Variants in PRRG1 observed in about 807,000 individuals in gnomAD.
PRRG1 encodes the protein transmembrane gamma-carboxyglutamic acid protein 1.
A neutral mutation model predicts 11.8 loss-of-function variants in PRRG1; 5 were observed. That is an observed-to-expected ratio of 0.42 (90% CI 0.22 to 0.89). PRRG1 has a LOEUF of 0.89. Among genes scored for constraint, PRRG1 ranks in the 40% least tolerant of loss-of-function variants. The probability of loss-of-function intolerance (pLI) is 0.28; values close to 1 mark genes in which losing one functional copy is unlikely to be tolerated. For synonymous variants in PRRG1, 66 were observed against 60.4 expected (o/e 1.09, Z -0.43); for missense variants, 155 against 166.1 (o/e 0.93, Z 0.37).
At chrX:37,413,911 C>T (rs1556384521) in intron 2 of PRRG1, among the ~76,000 whole-genome samples, 2 of 111,905 alleles carry the variant, frequency 1.8e-5, no homozygotes, top group African/African-American at 6.5e-5. Context: ...CAGTAAGTTG[C>T]TTATAGTATT....
At position 37,349,402 on chromosome X, in the gene PRRG1, G is replaced by C. The variant is rs1929977522; in HGVS notation, c.-42+7G>C. On this transcript the variant is annotated splice_region_variant and intron_variant, in intron 1 of 3. Coordinates refer to ENST00000378628, the MANE Select transcript of PRRG1 (RefSeq NM_001142395.2). ...TAGCGGAGCGGGACCCGCTGTGAGT[G>C]TGGCGGCCGCGCTGGGTTCCTAGCT... is the stretch of plus-strand genomic sequence containing the variant. 1 of 112,847 alleles carries C rather than the reference G, an allele frequency of 8.9e-6. No individual in the cohort carries two copies. Among genetic ancestry groups the C allele is most frequent in the African/African-American group, 3.2e-5 (1 of 31,032 alleles). The allele number at this position is 112,847 out of a possible 1,213,427, so 9.3% of individuals were successfully genotyped here.
At chrX:37,445,347 G>C (rs1389635139) in intron 3 of PRRG1, among the ~76,000 whole-genome samples, 1 of 112,006 alleles carries the variant, frequency 8.9e-6, no homozygotes, top group African/African-American at 3.2e-5. Flanking sequence ...TAAACTGAGA[G>C]CTCATTAGCA....
intron 1 of PRRG1, among the ~76,000 whole-genome samples, chrX:37,401,389 G>T (rs1422935033): frequency 1.8e-5 from 2 of 111,232 alleles, no homozygotes; most frequent in Non-Finnish European, 3.8e-5. Flanking sequence ...AAAACCACAT[G>T]ATTATCTCAA....
intron 1 of PRRG1, among the ~76,000 whole-genome samples, chrX:37,371,608 C>A (rs991212902): frequency 8.9e-6 from 1 of 112,692 alleles, no homozygotes; most frequent in Non-Finnish European, 1.9e-5. Context: ...CTGTTTGAGG[C>A]GTTGCGGTTC....
intron 3 of PRRG1, among the ~76,000 whole-genome samples, chrX:37,444,246 A>AT (rs1933034408): frequency 9.0e-6 from 1 of 111,073 alleles, no homozygotes. Flanking sequence ...GATCATATAT[A>AT]TTTTTTCTCT....
At chrX:37,449,357 G>C (rs1921031270) in intron 3 of PRRG1, among the ~76,000 whole-genome samples, 1 of 112,103 alleles carries the variant, frequency 8.9e-6, no homozygotes, top group African/African-American at 3.2e-5. Context: ...TGATTGATCA[G>C]ATTGCAAAAC....
chrX:37,390,758 A>G (rs782651666), intron 1 of PRRG1, among the ~76,000 whole-genome samples: 3 of 112,342 alleles, frequency 2.7e-5, no homozygotes, highest in Non-Finnish European at 3.8e-5. Flanking sequence ...CTACAAGGAA[A>G]CATTGAATGG....
At chrX:37,389,416 G>A (rs1433644810) in intron 1 of PRRG1, among the ~76,000 whole-genome samples, 2 of 111,375 alleles carry the variant, frequency 1.8e-5, no homozygotes, top group African/African-American at 6.5e-5. Context: ...AAGAAACAAG[G>A]TTTAATTGGG....
At chrX:37,434,545 A>G (rs1932864833) in intron 3 of PRRG1, among the ~76,000 whole-genome samples, 1 of 111,855 alleles carries the variant, frequency 8.9e-6, no homozygotes, top group Non-Finnish European at 1.9e-5. Flanking sequence ...TGAGAATCAG[A>G]TGGACCTTGA....
At chrX:37,370,005 C>T (rs1556370390) in intron 1 of PRRG1, among the ~76,000 whole-genome samples, 1 of 110,765 alleles carries the variant, frequency 9.0e-6, no homozygotes, top group Non-Finnish European at 1.9e-5. Flanking sequence ...TTATTAGCAG[C>T]ATAAGAACAA....
intron 1 of PRRG1, among the ~76,000 whole-genome samples, chrX:37,396,034 C>T (rs1488873799): frequency 8.9e-6 from 1 of 111,919 alleles, no homozygotes; most frequent in African/African-American, 3.2e-5. Flanking sequence ...AACCTTCAGC[C>T]TGTATTTGGG....
intron 1 of PRRG1, among the ~76,000 whole-genome samples, chrX:37,362,890 C>T (rs782328835): frequency 9.0e-6 from 1 of 111,397 alleles, no homozygotes; most frequent in Non-Finnish European, 1.9e-5. Context: ...TTGTTTTTTC[C>T]TCTGCGACCC....
rs144114574 is a variant in PRRG1 at position 37,419,049 on chromosome X, G to A, written c.11-6791G>A. 1.1e-3 allele frequency among the ~76,000 whole-genome samples: 127 copies of A among 111,985 alleles called. 2 individuals carry two copies. Among genetic ancestry groups the A allele is most frequent in the African/African-American group, 3.9e-3 (120 of 30,879 alleles). On this transcript the variant is annotated intron_variant, in intron 2 of 3. Coordinates refer to ENST00000378628, the MANE Select transcript of PRRG1 (RefSeq NM_001142395.2). ...TCTAAGTTCATGAGAATGAGAATGG[G>A]TTTATTTGAGCAACTTTTGCATTTC...
chrX:37,372,644 G>A (rs782069822), intron 1 of PRRG1, among the ~76,000 whole-genome samples: 1 of 112,463 alleles, frequency 8.9e-6, no homozygotes, highest in East Asian at 2.8e-4. Context: ...TGGACTATTT[G>A]TTTTCTTGCT....
chrX:37,445,655 CT>C (rs1374155504), intron 3 of PRRG1, among the ~76,000 whole-genome samples: 1 of 112,947 alleles, frequency 8.9e-6, no homozygotes, highest in Non-Finnish European at 1.9e-5. Context: ...GAAACTTTTT[CT>C]CATTTCTGTT....
intron 1 of PRRG1, among the ~76,000 whole-genome samples, chrX:37,380,153 G>C (rs1931108088): frequency 9.0e-6 from 1 of 111,519 alleles, no homozygotes; most frequent in Non-Finnish European, 1.9e-5. Context: ...AGATGGGAAA[G>C]TAGACAGCAT....
At chrX:37,438,392 A>G (rs1338057363) in intron 3 of PRRG1, among the ~76,000 whole-genome samples, 1 of 103,272 alleles carries the variant, frequency 9.7e-6, no homozygotes, top group Admixed American at 1.0e-4. Flanking sequence ...TTTACATACT[A>G]TGACATGGCA....
intron 1 of PRRG1, among the ~76,000 whole-genome samples, chrX:37,399,779 G>A (rs1931888669): frequency 9.5e-6 from 1 of 105,677 alleles, no homozygotes; most frequent in South Asian, 4.6e-4. Context: ...ATAAAAGGAT[G>A]GAGGAAGATC....
chrX:37,449,563 C>T (rs1466115800), intron 3 of PRRG1, among the ~76,000 whole-genome samples: 5 of 112,371 alleles, frequency 4.4e-5, no homozygotes, highest in South Asian at 3.7e-4. Flanking sequence ...CAGGATGAAA[C>T]GTCTACCTCT....
Sources: allele counts gnomAD v4.1 joint callset (sites outside exome capture counted in the v4.1 genomes callset), GRCh38; gene constraint gnomAD v4.1.1; transcripts MANE v1.5; gene names NCBI Gene and HGNC (gene_info 2026-07-23, HGNC 2026-07-21).